The following UGT2A2 variants were observed in gnomAD, a reference collection of about 807,000 sequenced individuals.
UGT2A2 encodes the protein UDP-glucuronosyltransferase 2A2.
UGT2A2 carries 60 observed loss-of-function variants against 50.7 expected under a neutral mutation model. The observed-to-expected ratio is 1.18, with a 90% CI of 0.96 to 1.47. UGT2A2 has a LOEUF of 1.47. UGT2A2 is among the 40% of genes most tolerant of loss of function. The probability of loss-of-function intolerance (pLI) is 0.00; values close to 1 mark genes in which losing one functional copy is unlikely to be tolerated. For missense variants in UGT2A2, 762 were observed against 634.0 expected (o/e 1.20, Z -2.17); for synonymous variants, 242 against 214.6 (o/e 1.13, Z -1.11).
intron 1 of UGT2A2, among the ~76,000 whole-genome samples, chr4:69,622,961 A>G (rs1560484416): frequency 6.6e-6 from 1 of 151,786 alleles, no homozygotes; most frequent in East Asian, 1.9e-4. Context: ...CCCACTTGCT[A>G]TGGGTCATAA....
intron 1 of UGT2A2, among the ~76,000 whole-genome samples, chr4:69,623,146 G>C (rs1260670534): frequency 6.6e-6 from 1 of 151,682 alleles, no homozygotes; most frequent in Non-Finnish European, 1.5e-5. Context: ...TGTTGATTTG[G>C]CACAAGCTAG....
chr4:69,627,534 A>AAG (rs150318319), intron 1 of UGT2A2, among the ~76,000 whole-genome samples: 44,264 of 139,196 alleles, frequency 0.32, 7,016 homozygotes, highest in African/African-American at 0.37. Context: ...GAAAGAAAGA[A>AAG]AGAGAGAGAG....
Position 69,639,530 on chromosome 4 carries a change from T to C in UGT2A2, c.111A>G (p.Thr37=), listed in dbSNP as rs774661303. The change falls in exon 1 of 6, where the codon ACA becomes ACG. Residue 37 remains threonine (T), a synonymous_variant. Transcript: ENST00000604629. ...VLSGNVLIWP[T]DGSHWLNIKI... ...TAATATTTAACCAATGGCTACCATC[T>C]GTAGGCCAAATTAACACATTCCCAC... The C allele has an allele frequency of 6.2e-7, 1 of 1,613,306 alleles. No homozygotes were observed. Among genetic ancestry groups the C allele is most frequent in the South Asian group, 1.1e-5 (1 of 90,954 alleles).
chr4:69,638,839 A>T, intron 1 of UGT2A2, 60 bp downstream of exon 1: 1 of 1,462,330 alleles, frequency 6.8e-7, no homozygotes, highest in South Asian at 1.5e-5. Context: ...CGTTTGCCAT[A>T]TGACAATAAG....
intron 1 of UGT2A2, among the ~76,000 whole-genome samples, chr4:69,608,011 G>A (rs906040662): frequency 1.3e-5 from 2 of 152,126 alleles, no homozygotes; most frequent in African/African-American, 4.8e-5. Context: ...AGTCAGTGTG[G>A]CAATTTCTCA....
chr4:69,628,290 A>AC (rs1721204080), intron 1 of UGT2A2, among the ~76,000 whole-genome samples: 1 of 151,784 alleles, frequency 6.6e-6, no homozygotes, highest in Non-Finnish European at 1.5e-5. Flanking sequence ...CCACAAAAAA[A>AC]CAAATATTCA....
At chr4:69,634,513 A>G (rs1476932100) in intron 1 of UGT2A2, among the ~76,000 whole-genome samples, 1 of 152,106 alleles carries the variant, frequency 6.6e-6, no homozygotes, top group East Asian at 1.9e-4. Flanking sequence ...TGATTAATCT[A>G]GTTTAGTTGC....
rs200803045 is a variant in UGT2A2 at position 69,589,433 on chromosome 4, T to C, written c.1550A>G (p.Gln517Arg). ...CVTTAIFLVI[Q>R]CCLFSCQKFG... ...TTTTTGACAGGAAAACAAACAACAT[T>C]GTATGACCAAAAATATAGCCGTTGT... The change falls in exon 6 of 6, where the codon CAA (glutamine) becomes CGA (arginine). Residue 517 changes from glutamine to arginine, a missense_variant. Transcript: ENST00000604629. 19 of 1,614,070 alleles carry C rather than the reference T, an allele frequency of 1.2e-5. No individual in the cohort carries two copies. In the East Asian group the frequency reaches 2.2e-4, roughly 19 times the overall value.
At chr4:69,607,754 G>T (rs1262380783) in intron 1 of UGT2A2, among the ~76,000 whole-genome samples, 3 of 152,168 alleles carry the variant, frequency 2.0e-5, no homozygotes, top group Non-Finnish European at 4.4e-5. Flanking sequence ...CAACAAGTGG[G>T]TGAAGGATAT....
At chr4:69,590,619 G>A (rs1336036777) in intron 5 of UGT2A2, among the ~76,000 whole-genome samples, 1 of 149,388 alleles carries the variant, frequency 6.7e-6, no homozygotes, top group Non-Finnish European at 1.5e-5. Context: ...TCAGCAGCAG[G>A]AGTAGTTTAC....
At chr4:69,622,824 G>A (rs1392299432) in intron 1 of UGT2A2, among the ~76,000 whole-genome samples, 2 of 151,622 alleles carry the variant, frequency 1.3e-5, no homozygotes, top group African/African-American at 2.4e-5. Flanking sequence ...TTCATCCAGC[G>A]GTCCACATCC....
chr4:69,635,602 G>A, intron 1 of UGT2A2: 1 of 177,198 alleles, frequency 5.6e-6, no homozygotes, highest in South Asian at 7.6e-5. Context: ...GGCCAAGGCG[G>A]GTGGATAACT....
chr4:69,611,429 T>C (rs1005307031), intron 1 of UGT2A2, among the ~76,000 whole-genome samples: 1 of 151,660 alleles, frequency 6.6e-6, no homozygotes, highest in Non-Finnish European at 1.5e-5. Flanking sequence ...TTCTACAAGA[T>C]AACCCAGAAA....
intron 1 of UGT2A2, among the ~76,000 whole-genome samples, chr4:69,617,576 A>C (rs1171640010): frequency 6.6e-6 from 1 of 151,888 alleles, no homozygotes; most frequent in Non-Finnish European, 1.5e-5. Flanking sequence ...AGGAAGAAAG[A>C]CTGTTTCAAA....
At position 69,589,512 on chromosome 4, in the gene UGT2A2, T is replaced by C. The variant is rs774158000; in HGVS notation, c.1471A>G (p.Thr491Ala). 2 of 1,614,080 alleles carry C rather than the reference T, an allele frequency of 1.2e-6. No individual in the cohort carries two copies. The highest frequency in any genetic ancestry group is 1.1e-5 in the South Asian group (1 of 91,084). The part of the protein sequence containing the change: ...KHLRVAAHDL[T>A]WFQYHSLDVI... ...TCCAAAGAGTGGTACTGGAACCAGG[T>C]GAGGTCATGGGCTGCAACCCGAAGG... Residue 491 changes from threonine (T) to alanine (A), a missense_variant, in exon 6 of 6, where the codon ACC becomes GCC. By Grantham distance (58) the Thr-to-Ala change is moderately conservative (BLOSUM62 0). Transcript: ENST00000604629.
intron 1 of UGT2A2, among the ~76,000 whole-genome samples, chr4:69,617,299 T>C (rs2109929116): frequency 6.6e-6 from 1 of 152,012 alleles, no homozygotes; most frequent in Non-Finnish European, 1.5e-5. Flanking sequence ...CTATGGATGA[T>C]GGTTGATAGT....
At chr4:69,589,690 T>A in intron 5 of UGT2A2, 39 bp from the exon 6 acceptor site, 1 of 1,563,054 alleles carries the variant, frequency 6.4e-7, no homozygotes, top group East Asian at 2.3e-5. Context: ...AGACAATTTT[T>A]GTTTTTATTT....
At chr4:69,602,502 T>TCTAC (rs1314825827) in intron 1 of UGT2A2, among the ~76,000 whole-genome samples, 2 of 131,654 alleles carry the variant, frequency 1.5e-5, no homozygotes, top group African/African-American at 3.1e-5. Flanking sequence ...TATCTATCTA[T>TCTAC]CTATCTGATA....
chr4:69,596,977 A>G (rs1436543940), intron 2 of UGT2A2, among the ~76,000 whole-genome samples: 1 of 152,220 alleles, frequency 6.6e-6, no homozygotes, highest in African/African-American at 2.4e-5. Flanking sequence ...TGTTACCCCC[A>G]AGGCTTAATT....
Sources: gnomAD v4.1 joint callset for allele counts (sites outside exome capture counted in the v4.1 genomes callset) on GRCh38, gnomAD v4.1.1 for gene constraint, MANE v1.5 for transcripts, NCBI Gene and HGNC (gene_info 2026-07-23, HGNC 2026-07-21) for gene names.